Variants in DTD1 observed in about 807,000 individuals in gnomAD.
DTD1 encodes D-tyrosyl-tRNA deacylase 1 homolog.
DTD1 carries 13 observed loss-of-function variants against 25.6 expected under a neutral mutation model. The observed-to-expected ratio is 0.51, with a 90% CI of 0.33 to 0.81. The LOEUF (loss-of-function observed/expected upper bound fraction) is 0.81, where lower values mean the gene tolerates loss of function less well. Among genes scored for constraint, DTD1 ranks in the 30% least tolerant of loss-of-function variants. The probability of loss-of-function intolerance (pLI) is 0.02; values close to 1 mark genes in which losing one functional copy is unlikely to be tolerated. For missense variants in DTD1, 193 were observed against 266.4 expected (o/e 0.72, Z 1.92); for synonymous variants, 110 against 103.6 (o/e 1.06, Z -0.37).
chr20:18,699,788 G>T (rs1000531255), intron 4 of DTD1, among the ~76,000 whole-genome samples: 2 of 152,154 alleles, frequency 1.3e-5, no homozygotes, highest in African/African-American at 4.8e-5. Flanking sequence ...GTACGTGTGT[G>T]TACACATATG....
At chr20:18,729,727 C>T (rs187410730) in intron 4 of DTD1, among the ~76,000 whole-genome samples, 16 of 152,312 alleles carry the variant, frequency 1.1e-4, no homozygotes, top group Admixed American at 6.5e-4. Flanking sequence ...AAAAGCATAA[C>T]GACAACACAA....
intron 3 of DTD1, among the ~76,000 whole-genome samples, chr20:18,598,845 T>G (rs140610368): frequency 1.1e-3 from 174 of 152,072 alleles, no homozygotes; most frequent in Middle Eastern, 3.4e-3. Flanking sequence ...AAATCCTCTG[T>G]GCTCTGGCTA....
intron 3 of DTD1, among the ~76,000 whole-genome samples, chr20:18,619,544 T>G (rs1041830917): frequency 6.6e-6 from 1 of 151,918 alleles, no homozygotes; most frequent in South Asian, 2.1e-4. Context: ...CCTGCCTCAG[T>G]CTCCCGAGTA....
intron 4 of DTD1, among the ~76,000 whole-genome samples, chr20:18,729,303 A>G (rs1276376730): frequency 6.6e-6 from 1 of 152,234 alleles, no homozygotes; most frequent in Non-Finnish European, 1.5e-5. Context: ...AATAGAGTTC[A>G]TGACAGTTTT....
intron 3 of DTD1, among the ~76,000 whole-genome samples, chr20:18,608,520 C>A (rs1379436910): frequency 3.9e-5 from 6 of 152,192 alleles, no homozygotes; most frequent in Admixed American, 6.5e-5. Flanking sequence ...TTTCTAGTTT[C>A]CTATGAAAGA....
intron 3 of DTD1, among the ~76,000 whole-genome samples, chr20:18,616,657 A>T (rs1291034540): frequency 2.0e-5 from 3 of 152,194 alleles, no homozygotes; most frequent in Non-Finnish European, 2.9e-5. Flanking sequence ...AAAAGAAAAA[A>T]TTAGCTGAGT....
chr20:18,731,307 G>C (rs2061238546), intron 4 of DTD1, among the ~76,000 whole-genome samples: 1 of 152,054 alleles, frequency 6.6e-6, no homozygotes, highest in Non-Finnish European at 1.5e-5. Context: ...TTTCCTCTGG[G>C]TATCAGAAAA....
chr20:18,731,360 G>A (rs1001984035), intron 4 of DTD1, among the ~76,000 whole-genome samples: 2 of 152,148 alleles, frequency 1.3e-5, no homozygotes, highest in Non-Finnish European at 2.9e-5. Context: ...TTGGTTTTCT[G>A]TAGAACTTGA....
At chr20:18,655,467 TA>T (rs2060888142) in intron 4 of DTD1, among the ~76,000 whole-genome samples, 1 of 151,292 alleles carries the variant, frequency 6.6e-6, no homozygotes, top group African/African-American at 2.5e-5. Flanking sequence ...TACTTACTTT[TA>T]AAACTTTGTA....
At chr20:18,752,856 A>G (rs555794075) in intron 5 of DTD1, among the ~76,000 whole-genome samples, 1 of 152,248 alleles carries the variant, frequency 6.6e-6, no homozygotes, top group East Asian at 1.9e-4. Context: ...GTTTTTTATT[A>G]TCCATGAGGT....
intron 4 of DTD1, among the ~76,000 whole-genome samples, chr20:18,633,739 A>G (rs758620643): frequency 1.3e-5 from 2 of 152,196 alleles, no homozygotes; most frequent in African/African-American, 2.4e-5. Context: ...TTCTACTTCA[A>G]ATAAGGGTAG....
chr20:18,610,575 C>T (rs1266241527), intron 3 of DTD1, among the ~76,000 whole-genome samples: 1 of 152,110 alleles, frequency 6.6e-6, no homozygotes, highest in African/African-American at 2.4e-5. Context: ...CAATTTAATG[C>T]ATTTTGGAAA....
intron 4 of DTD1, chr20:18,675,707 T>A (rs2060967829): frequency 6.6e-6 from 1 of 151,904 alleles, no homozygotes; most frequent in African/African-American, 2.4e-5. Flanking sequence ...TAGTCCTTTT[T>A]TCCTATGGCT....
chr20:18,753,481 G>T (rs183231458), intron 5 of DTD1, among the ~76,000 whole-genome samples: 1 of 151,750 alleles, frequency 6.6e-6, no homozygotes, highest in African/African-American at 2.4e-5. Flanking sequence ...GGTAGTGTAC[G>T]CCTGTAATCC....
intron 4 of DTD1, among the ~76,000 whole-genome samples, chr20:18,704,247 AC>A (rs2061117049): frequency 1.3e-5 from 2 of 151,962 alleles, no homozygotes; most frequent in African/African-American, 4.8e-5. Context: ...TGATCCTCCC[AC>A]CTCGGCCTCC....
At chr20:18,657,025 G>A (rs2060893935) in intron 4 of DTD1, among the ~76,000 whole-genome samples, 1 of 151,636 alleles carries the variant, frequency 6.6e-6, no homozygotes, top group South Asian at 2.1e-4. Context: ...TGTTTTTTTT[G>A]TAACTATAAT....
rs897835366 is a variant in DTD1, at chr20:18,696,291, C to T, written c.478-47809C>T. ...TTTGAGCAAGTCAGGCCGCCTGTCT[C>T]GGAGTCTCATTGTAGGTGAAAATGG... On this transcript the variant is annotated intron_variant, in intron 4 of 5. Coordinates refer to ENST00000377452, the MANE Select transcript of DTD1 (RefSeq NM_080820.6). Among the ~76,000 whole-genome samples the T allele has an allele frequency of 3.9e-5, 6 of 152,076 alleles. No individual in the cohort carries two copies. The East Asian group carries it at 9.7e-4, about 24-fold the overall frequency.
At chr20:18,589,757 A>G (rs1451059245) in intron 1 of DTD1, among the ~76,000 whole-genome samples, 1 of 152,204 alleles carries the variant, frequency 6.6e-6, no homozygotes, top group African/African-American at 2.4e-5. Flanking sequence ...AATATTGAAA[A>G]TGTGTATTCT....
chr20:18,744,535 C>T (rs1233537850), intron 5 of DTD1, among the ~76,000 whole-genome samples: 1 of 150,080 alleles, frequency 6.7e-6, no homozygotes, highest in Non-Finnish European at 1.5e-5. Context: ...GGGGAGGCCT[C>T]ACAATCATGG....
Sources: allele counts gnomAD v4.1 joint callset (sites outside exome capture counted in the v4.1 genomes callset), GRCh38; gene constraint gnomAD v4.1.1; transcripts MANE v1.5; gene names NCBI Gene and HGNC (gene_info 2026-07-23, HGNC 2026-07-21).